ARMC8: variants seen among roughly 807,000 people sequenced by gnomAD.
ARMC8 encodes armadillo repeat containing 8.
In ARMC8, 20 loss-of-function variants were observed where a neutral mutation model predicts 99.3. That is an observed-to-expected ratio of 0.20 (90% CI 0.14 to 0.29). The LOEUF (loss-of-function observed/expected upper bound fraction) is 0.29. Ranked by LOEUF, ARMC8 falls within the 10% of genes least tolerant of loss-of-function variation. ARMC8 has a pLI of 1.00. For missense variants in ARMC8, 569 were observed against 809.5 expected (o/e 0.70, Z 3.60); for synonymous variants, 263 against 278.3 (o/e 0.95, Z 0.55).
intron 1 of ARMC8, among the ~76,000 whole-genome samples, chr3:138,208,264 A>G (rs774802): frequency 0.63 from 95,362 of 151,922 alleles, 30,277 homozygotes; most frequent in East Asian, 0.84. Context: ...TCAGGGGTTC[A>G]AGACCAGCCT....
In ARMC8 at chr3:138,269,846, C is replaced by T. The variant is rs1206756088; in HGVS notation, c.1387-194C>T. Among the ~76,000 whole-genome samples the T allele has an allele frequency of 3.9e-3, 251 of 64,104 alleles. 1 individual carries two copies. The highest frequency in any genetic ancestry group is 0.014 in the African/African-American group (229 of 15,836). The allele number at this position is 64,104 out of a possible 152,430, so 42.1% of individuals were successfully genotyped here. On this transcript the variant is annotated intron_variant, in intron 15 of 21. Coordinates refer to ENST00000469044, the MANE Select transcript of ARMC8 (RefSeq NM_001363941.2). ...TTTTTTTTTTTTTTTTTTGGCTTTTCGGATTTATGAGAAAATAATTGTCTT... is the reference window on the plus strand; with the variant it reads ...TTTTTTTTTTTTTTTTTTGGCTTTTTGGATTTATGAGAAAATAATTGTCTT...
intron 6 of ARMC8, among the ~76,000 whole-genome samples, chr3:138,231,433 AG>A (rs2108123712): frequency 6.6e-6 from 1 of 152,134 alleles, no homozygotes; most frequent in Non-Finnish European, 1.5e-5. Flanking sequence ...ACTTTGGGGG[AG>A]GGAAAAAGGG....
intron 14 of ARMC8, among the ~76,000 whole-genome samples, chr3:138,265,550 G>A (rs904485707): frequency 3.9e-5 from 6 of 152,142 alleles, no homozygotes; most frequent in Non-Finnish European, 4.4e-5. Flanking sequence ...TTTAGGAGGC[G>A]GGGGCATCAA....
chr3:138,266,067 A>G (rs926044069), intron 14 of ARMC8, among the ~76,000 whole-genome samples: 4 of 152,196 alleles, frequency 2.6e-5, no homozygotes, highest in African/African-American at 9.7e-5. Context: ...TCAGAACAGT[A>G]TGTTTCTTTA....
intron 5 of ARMC8, among the ~76,000 whole-genome samples, chr3:138,226,626 A>G (rs949171689): frequency 6.6e-6 from 1 of 152,186 alleles, no homozygotes; most frequent in Non-Finnish European, 1.5e-5. Flanking sequence ...TGTAGTTCAT[A>G]TTGTAATGTT....
At chr3:138,242,985 A>T (rs1033365233) in intron 11 of ARMC8, among the ~76,000 whole-genome samples, 5 of 152,110 alleles carry the variant, frequency 3.3e-5, no homozygotes, top group Non-Finnish European at 5.9e-5. Flanking sequence ...AGTAGAAGTG[A>T]TGGGTTACAT....
chr3:138,188,833 A>G (rs2043220077), intron 1 of ARMC8, among the ~76,000 whole-genome samples: 1 of 152,194 alleles, frequency 6.6e-6, no homozygotes, highest in Admixed American at 6.5e-5. Flanking sequence ...TAATTTTGTG[A>G]GGCTGTCAAC....
At chr3:138,214,834 A>G (rs971126321) in intron 2 of ARMC8, among the ~76,000 whole-genome samples, 5 of 152,034 alleles carry the variant, frequency 3.3e-5, no homozygotes, top group African/African-American at 1.2e-4. Context: ...TTGTATTTTT[A>G]GTAGAGACAA....
intron 1 of ARMC8, among the ~76,000 whole-genome samples, chr3:138,195,576 T>G (rs538470156): frequency 6.6e-6 from 1 of 152,314 alleles, no homozygotes; most frequent in East Asian, 1.9e-4. Flanking sequence ...AAATACTTAC[T>G]GTCAGCAGAC....
At chr3:138,196,097 G>A (rs545242259) in intron 1 of ARMC8, among the ~76,000 whole-genome samples, 10 of 152,258 alleles carry the variant, frequency 6.6e-5, no homozygotes, top group Admixed American at 6.5e-4. Flanking sequence ...TGCTTCTTTT[G>A]CCTTAGGGGT....
intron 14 of ARMC8, 74 bp downstream of exon 14, chr3:138,264,286 C>T (rs999219277): frequency 3.4e-6 from 4 of 1,171,156 alleles, no homozygotes; most frequent in Non-Finnish European, 5.1e-6. Context: ...TAACACTACT[C>T]CCTGGTCTAG....
intron 1 of ARMC8, among the ~76,000 whole-genome samples, chr3:138,194,046 CT>C (rs755827729): frequency 1.1e-3 from 151 of 142,202 alleles, no homozygotes; most frequent in Admixed American, 1.3e-3. Context: ...GGCATTACGT[CT>C]TTTTTTTTTT....
intron 12 of ARMC8, among the ~76,000 whole-genome samples, chr3:138,261,008 C>T (rs942272554): frequency 6.6e-5 from 10 of 152,230 alleles, no homozygotes; most frequent in African/African-American, 2.4e-4. Context: ...TAGTCCTCCA[C>T]TGCCTGAAAC....
intron 11 of ARMC8, among the ~76,000 whole-genome samples, chr3:138,244,753 G>T (rs561254778): frequency 6.6e-6 from 1 of 152,342 alleles, no homozygotes; most frequent in South Asian, 2.1e-4. Flanking sequence ...AAGAGCTGCT[G>T]CAAGCAAGCA....
intron 14 of ARMC8, among the ~76,000 whole-genome samples, chr3:138,265,697 C>T (rs553471547): frequency 3.1e-4 from 47 of 151,736 alleles, no homozygotes; most frequent in Admixed American, 2.4e-3. Flanking sequence ...GTGTAGGGAA[C>T]GGCAAGTATA....
At chr3:138,253,111 A>G (rs1251843333) in intron 12 of ARMC8, among the ~76,000 whole-genome samples, 1 of 152,134 alleles carries the variant, frequency 6.6e-6, no homozygotes, top group African/African-American at 2.4e-5. Context: ...TGAGAGAAAA[A>G]AAAATCTAGT....
At chr3:138,221,705 C>T (rs906793399) in intron 2 of ARMC8, among the ~76,000 whole-genome samples, 5 of 152,056 alleles carry the variant, frequency 3.3e-5, no homozygotes, top group African/African-American at 7.2e-5. Flanking sequence ...GGAAGTCTTT[C>T]GCCAGTACTC....
Position 138,296,096 on chromosome 3 carries a change from G to T in ARMC8, c.*204G>T. ...AGTAATTTCCTCAGAAGACTCTTGT[G>T]TTTTGTTTTGGTTTTTTTTTCTGAG... On this transcript the variant is annotated 3_prime_UTR_variant, in exon 22 of 22. Transcript: ENST00000469044. 2 of 486,820 alleles carry T rather than the reference G, an allele frequency of 4.1e-6. No homozygotes were observed. Among genetic ancestry groups the T allele is most frequent in the Non-Finnish European group, 7.2e-6 (2 of 279,338 alleles). 30.2% of individuals were successfully genotyped at this position (486,820 alleles called of 1,614,324 possible).
intron 1 of ARMC8, among the ~76,000 whole-genome samples, chr3:138,195,870 A>C (rs553417442): frequency 1.2e-4 from 18 of 152,308 alleles, no homozygotes; most frequent in Admixed American, 1.1e-3. Context: ...AAAAAAAAAA[A>C]AAAACTGTTT....
Sources: gnomAD v4.1 joint callset for allele counts (sites outside exome capture counted in the v4.1 genomes callset) on GRCh38, gnomAD v4.1.1 for gene constraint, MANE v1.5 for transcripts, NCBI Gene and HGNC (gene_info 2026-07-23, HGNC 2026-07-21) for gene names.